Variants in FAM227B observed in about 807,000 individuals in gnomAD.
FAM227B encodes protein FAM227B.
FAM227B carries 88 observed loss-of-function variants against 73.8 expected under a neutral mutation model. The ratio of observed to expected loss-of-function variants is 1.19; its 90% confidence interval spans 1.00 to 1.42. FAM227B has a LOEUF of 1.42. Ranked by LOEUF, FAM227B falls within the 40% of genes most tolerant of loss-of-function variation. The pLI, the probability that FAM227B is intolerant of heterozygous loss-of-function variation, is 0.00. For synonymous variants in FAM227B, 210 were observed against 190.5 expected (o/e 1.10, Z -0.84); for missense variants, 632 against 590.9 (o/e 1.07, Z -0.72).
At chr15:49,499,165 C>CAAAA (rs11355557) in intron 11 of FAM227B, among the ~76,000 whole-genome samples, 515 of 52,846 alleles carry the variant, frequency 9.7e-3, no homozygotes, top group East Asian at 0.016. Context: ...GACTCCGTCT[C>CAAAA]AAAAAAAAAA....
At chr15:49,439,755 T>C (rs548230668) in intron 11 of FAM227B, among the ~76,000 whole-genome samples, 1 of 151,848 alleles carries the variant, frequency 6.6e-6, no homozygotes, top group South Asian at 2.1e-4. Context: ...CCTTATACCA[T>C]GTGTTAATAC....
intron 3 of FAM227B, among the ~76,000 whole-genome samples, chr15:49,593,120 T>A (rs1030053844): frequency 1.2e-4 from 18 of 152,262 alleles, no homozygotes; most frequent in African/African-American, 4.1e-4. Flanking sequence ...GAAAGGGAAA[T>A]TCCCTGACCC....
In FAM227B at chr15:49,359,040, T is replaced by G. The variant is rs1482564106; in HGVS notation, c.1271+8408A>C. On this transcript the variant is annotated intron_variant, in intron 13 of 15. Coordinates refer to ENST00000299338, the MANE Select transcript of FAM227B (RefSeq NM_152647.3). The stretch of plus-strand genomic sequence containing the variant: ...TGGGAAAACTGGCTAGCCATATGTA[T>G]AAAGCTGAAACTCGATCCCTTCCTT... 2.4e-3 allele frequency among the ~76,000 whole-genome samples: 369 copies of G among 152,078 alleles called. 4 individuals carry two copies. Among genetic ancestry groups the G allele is most frequent in the African/African-American group, 7.5e-3 (312 of 41,436 alleles).
intron 11 of FAM227B, among the ~76,000 whole-genome samples, chr15:49,444,304 T>C (rs1162741085): frequency 6.6e-6 from 1 of 151,752 alleles, no homozygotes; most frequent in African/African-American, 2.4e-5. Flanking sequence ...CTTTTTAACA[T>C]TTTAACATTT....
chr15:49,567,858 TC>T (rs1278308394), intron 9 of FAM227B, among the ~76,000 whole-genome samples: 2 of 152,078 alleles, frequency 1.3e-5, no homozygotes, highest in Non-Finnish European at 2.9e-5. Flanking sequence ...AGGTGCTTAG[TC>T]CTTGGGCATA....
intron 10 of FAM227B, among the ~76,000 whole-genome samples, chr15:49,525,153 T>C (rs1319986206): frequency 6.6e-6 from 1 of 152,052 alleles, no homozygotes; most frequent in Non-Finnish European, 1.5e-5. Context: ...CTTGGCTGTG[T>C]CCCCACCCAA....
intron 13 of FAM227B, chr15:49,353,757 T>C (rs1164486763): frequency 6.6e-6 from 1 of 151,428 alleles, no homozygotes; most frequent in Non-Finnish European, 1.5e-5. Flanking sequence ...GAAAAATAAC[T>C]AGATGGGAGG....
intron 11 of FAM227B, among the ~76,000 whole-genome samples, chr15:49,463,919 GTTTTTGTTTGT>G (rs1225079409): frequency 5.8e-5 from 8 of 138,418 alleles, no homozygotes; most frequent in South Asian, 2.3e-4. Flanking sequence ...AACAAACAAG[GTTTTTGTTTGT>G]TTTTTGTTTG....
At chr15:49,389,688 G>A (rs780017824) in intron 11 of FAM227B, among the ~76,000 whole-genome samples, 2 of 151,760 alleles carry the variant, frequency 1.3e-5, no homozygotes, top group African/African-American at 4.8e-5. Flanking sequence ...TTTCTTAAGG[G>A]ATATAAATGC....
intron 11 of FAM227B, among the ~76,000 whole-genome samples, chr15:49,479,355 T>C (rs1385774080): frequency 6.6e-6 from 1 of 152,114 alleles, no homozygotes; most frequent in Admixed American, 6.5e-5. Flanking sequence ...GAAATAAATT[T>C]ACTGGGTACT....
At chr15:49,567,373 AC>A (rs1041785944) in intron 9 of FAM227B, among the ~76,000 whole-genome samples, 3 of 152,124 alleles carry the variant, frequency 2.0e-5, no homozygotes, top group African/African-American at 7.2e-5. Flanking sequence ...TGCTGAGATC[AC>A]CCAGGTAATC....
At chr15:49,354,455 T>G (rs1013644800) in intron 13 of FAM227B, among the ~76,000 whole-genome samples, 5 of 152,120 alleles carry the variant, frequency 3.3e-5, no homozygotes, top group South Asian at 2.1e-4. Context: ...GGTCAGGGAG[T>G]TCCCTTTCCG....
At chr15:49,386,194 C>T (rs1339638388) in intron 11 of FAM227B, among the ~76,000 whole-genome samples, 3 of 151,514 alleles carry the variant, frequency 2.0e-5, no homozygotes, top group Non-Finnish European at 3.0e-5. Context: ...TTCCAGAATA[C>T]ACATTCTTCT....
intron 5 of FAM227B, among the ~76,000 whole-genome samples, chr15:49,579,189 T>C (rs2075656509): frequency 2.0e-5 from 3 of 152,178 alleles, no homozygotes; most frequent in Admixed American, 6.5e-5. Context: ...AGAATTCTTA[T>C]ATACTATTGG....
intron 13 of FAM227B, among the ~76,000 whole-genome samples, chr15:49,359,169 T>C (rs1028841402): frequency 9.4e-5 from 14 of 149,428 alleles, no homozygotes; most frequent in African/African-American, 3.4e-4. Flanking sequence ...ATTCAGGACA[T>C]AGGCATGGGC....
chr15:49,428,887 T>C (rs1200112096), intron 11 of FAM227B, among the ~76,000 whole-genome samples: 1 of 151,994 alleles, frequency 6.6e-6, no homozygotes, highest in Non-Finnish European at 1.5e-5. Flanking sequence ...TGTTAGACTG[T>C]GATGGGATAT....
At chr15:49,448,128 C>T (rs186245399) in intron 11 of FAM227B, among the ~76,000 whole-genome samples, 1 of 151,824 alleles carries the variant, frequency 6.6e-6, no homozygotes, top group Admixed American at 6.6e-5. Context: ...CTCCTATTTA[C>T]ATAACATATT....
intron 11 of FAM227B, among the ~76,000 whole-genome samples, chr15:49,422,233 A>G (rs1411804867): frequency 6.6e-6 from 1 of 152,078 alleles, no homozygotes; most frequent in Non-Finnish European, 1.5e-5. Context: ...ATTTTAATAT[A>G]CTTTCTTAAT....
At chr15:49,457,594 A>G (rs2053428014) in intron 11 of FAM227B, among the ~76,000 whole-genome samples, 1 of 152,014 alleles carries the variant, frequency 6.6e-6, no homozygotes, top group Non-Finnish European at 1.5e-5. Flanking sequence ...TCAAGAGGAA[A>G]GAAAACTTGA....
Sources: allele counts gnomAD v4.1 joint callset (sites outside exome capture counted in the v4.1 genomes callset), GRCh38; gene constraint gnomAD v4.1.1; transcripts MANE v1.5; gene names NCBI Gene and HGNC (gene_info 2026-07-23, HGNC 2026-07-21).